ARHGAP21: variants seen among roughly 807,000 people sequenced by gnomAD.
ARHGAP21 encodes rho GTPase-activating protein 21.
In ARHGAP21, 38 loss-of-function variants were observed where a neutral mutation model predicts 164.6. The ratio of observed to expected loss-of-function variants is 0.23; its 90% CI spans 0.18 to 0.30. The LOEUF (loss-of-function observed/expected upper bound fraction) is 0.30. Among genes scored for constraint, ARHGAP21 ranks in the 10% least tolerant of loss-of-function variants. ARHGAP21 has a pLI of 1.00. For missense variants in ARHGAP21, 1,822 were observed against 2,370.7 expected (o/e 0.77, Z 4.81); for synonymous variants, 766 against 857.9 (o/e 0.89, Z 1.87).
Position 24,597,846 on chromosome 10 carries a change from A to G in ARHGAP21, c.3197+99T>C, listed in dbSNP as rs142998685. The G allele has an allele frequency of 7.1e-3, 9,367 of 1,315,968 alleles. 55 individuals carry two copies. The highest frequency in any genetic ancestry group is 8.7e-3 in the Middle Eastern group (44 of 5,070). 81.5% of individuals were successfully genotyped at this position (1,315,968 alleles called of 1,614,324 possible). On this transcript the variant is annotated intron_variant, in intron 15 of 25. Coordinates refer to ENST00000396432, the MANE Select transcript of ARHGAP21 (RefSeq NM_020824.4). ...GGATTTGGTACTATCTGCGGTTTCA[A>G]GCATCCACTGGGGGTCTTGGAATGT...
At chr10:24,704,888 T>C (rs1299867856) in intron 2 of ARHGAP21, among the ~76,000 whole-genome samples, 1 of 152,142 alleles carries the variant, frequency 6.6e-6, no homozygotes, top group Non-Finnish European at 1.5e-5. Flanking sequence ...CCATTATGCC[T>C]GGCCTAAAAA....
At chr10:24,609,837 A>G (rs1179136782) in intron 9 of ARHGAP21, among the ~76,000 whole-genome samples, 1 of 152,218 alleles carries the variant, frequency 6.6e-6, no homozygotes, top group African/African-American at 2.4e-5. Context: ...GGAAAACAAA[A>G]ATTTTTCATC....
intron 2 of ARHGAP21, among the ~76,000 whole-genome samples, chr10:24,686,645 C>A (rs1306911585): frequency 6.6e-6 from 1 of 152,064 alleles, no homozygotes; most frequent in East Asian, 1.9e-4. Context: ...TAATCACATA[C>A]ACACTTTTTG....
At chr10:24,648,908 C>G in intron 4 of ARHGAP21, 6 of 970,308 alleles carry the variant, frequency 6.2e-6, no homozygotes, top group Non-Finnish European at 7.4e-6. Context: ...CCCTGGAGAC[C>G]TCCTTTCCCA....
At chr10:24,596,261 C>T (rs892671890) in intron 17 of ARHGAP21, 3 of 458,356 alleles carry the variant, frequency 6.5e-6, no homozygotes, top group African/African-American at 6.1e-5. Flanking sequence ...GAGAGGGACC[C>T]CCAGAGAGAT....
In ARHGAP21 at chr10:24,620,004, T is replaced by C; in HGVS notation, c.1891A>G (p.Thr631Ala). 2 of 1,613,988 alleles carry C rather than the reference T, an allele frequency of 1.2e-6. No individual in the cohort carries two copies. The highest frequency in any genetic ancestry group is 1.7e-6 in the Non-Finnish European group (2 of 1,179,878). Reference protein sequence around the residue: ...VRSNSLKAPSTHVTKPSFSQK... With the variant: ...VRSNSLKAPSAHVTKPSFSQK... ...CTAAATGATGGTTTTGTGACATGCGTGGAAGGAGCTTTCAGAGAATTACTT... is the reference window on the plus strand; with the variant it reads ...CTAAATGATGGTTTTGTGACATGCGCGGAAGGAGCTTTCAGAGAATTACTT... Residue 631 changes from threonine (T) to alanine (A), a missense_variant, in exon 9 of 26, where the codon ACG becomes GCG. Physicochemically the swap from Thr to Ala is moderately conservative, Grantham distance 58 (BLOSUM62 0). This residue lies in a region of ARHGAP21 where 1,090 missense variants were observed against 1,378.9 expected (regional missense o/e 0.79). Transcript: ENST00000396432.
At chr10:24,692,033 C>T (rs1842798111) in intron 2 of ARHGAP21, among the ~76,000 whole-genome samples, 1 of 152,118 alleles carries the variant, frequency 6.6e-6, no homozygotes, top group African/African-American at 2.4e-5. Context: ...CCTGAAGAGA[C>T]AAAATGGAAT....
At chr10:24,642,440 G>A (rs1049547982) in intron 4 of ARHGAP21, among the ~76,000 whole-genome samples, 12 of 150,828 alleles carry the variant, frequency 8.0e-5, no homozygotes, top group African/African-American at 2.7e-4. Context: ...GCGTGAACCT[G>A]GGAGGCGGAG....
At chr10:24,616,509 G>T (rs1410421522) in intron 9 of ARHGAP21, among the ~76,000 whole-genome samples, 5 of 152,170 alleles carry the variant, frequency 3.3e-5, no homozygotes, top group Admixed American at 1.3e-4. Context: ...TCTTGATATG[G>T]CAGTGCCAAT....
At chr10:24,717,257 G>GA (rs1845477121) in intron 2 of ARHGAP21, among the ~76,000 whole-genome samples, 1 of 152,112 alleles carries the variant, frequency 6.6e-6, no homozygotes. Context: ...TAATGTCCGG[G>GA]AATCTAAATG....
chr10:24,670,449 CA>C (rs759731600), intron 2 of ARHGAP21, 52 bp from the exon 3 acceptor site: 41 of 1,250,856 alleles, frequency 3.3e-5, no homozygotes, highest in Non-Finnish European at 4.2e-5. Context: ...TATACTTCCT[CA>C]TCTAAAAAAA....
At chr10:24,703,622 G>C (rs933510980) in intron 2 of ARHGAP21, among the ~76,000 whole-genome samples, 1 of 152,134 alleles carries the variant, frequency 6.6e-6, no homozygotes, top group Non-Finnish European at 1.5e-5. Flanking sequence ...TTACCTTGCA[G>C]AATTCTCAGT....
intron 2 of ARHGAP21, among the ~76,000 whole-genome samples, chr10:24,673,004 T>C (rs1840862714): frequency 6.6e-6 from 1 of 152,182 alleles, no homozygotes; most frequent in Non-Finnish European, 1.5e-5. Flanking sequence ...GACAAAAGAT[T>C]TGTAAGATCT....
intron 24 of ARHGAP21, 40 bp downstream of exon 24, chr10:24,591,185 C>A: frequency 6.8e-7 from 1 of 1,468,198 alleles, no homozygotes; most frequent in Admixed American, 1.9e-5. Context: ...AAGAATGTAG[C>A]TTTCAGCCTA....
intron 4 of ARHGAP21, among the ~76,000 whole-genome samples, chr10:24,650,469 T>C (rs1593164060): frequency 6.6e-6 from 1 of 152,294 alleles, no homozygotes; most frequent in Admixed American, 6.5e-5. Context: ...AGCATCAGAC[T>C]TCGATGTGCT....
rs777478309 is a variant in ARHGAP21 at position 24,585,753 on chromosome 10, G to A, written c.4536C>T (p.Asn1512=). 5.0e-6 allele frequency: 8 copies of A among 1,613,056 alleles called. No individual in the cohort carries two copies. Among genetic ancestry groups the A allele is most frequent in the Non-Finnish European group, 5.1e-6 (6 of 1,179,152 alleles). The part of the protein sequence containing the change: ...EPSPPHNSKH[N]KSPTLSCRFA... ...AGCGACAGCTGAGAGTTGGTGACTTGTTGTGTTTTGAGTTGTGTGGTGGTG... is the reference window on the plus strand; with the variant it reads ...AGCGACAGCTGAGAGTTGGTGACTTATTGTGTTTTGAGTTGTGTGGTGGTG... Residue 1512 remains asparagine (N), a synonymous_variant, in exon 26 of 26, where the codon AAC becomes AAT. Transcript: ENST00000396432.
intron 21 of ARHGAP21, 116 bp downstream of exon 21, chr10:24,594,834 C>A: frequency 1.3e-6 from 1 of 746,394 alleles, no homozygotes; most frequent in Non-Finnish European, 2.0e-6. Flanking sequence ...GAAGGACTTA[C>A]CCAGTTTGAT....
At chr10:24,713,316 A>G (rs1245516910) in intron 2 of ARHGAP21, among the ~76,000 whole-genome samples, 1 of 152,248 alleles carries the variant, frequency 6.6e-6, no homozygotes, top group Admixed American at 6.5e-5. Context: ...GAGATAAGCA[A>G]CAGGGGAAAA....
At chr10:24,719,100 C>T (rs1470213765) in intron 2 of ARHGAP21, among the ~76,000 whole-genome samples, 2 of 76,844 alleles carry the variant, frequency 2.6e-5, no homozygotes, top group African/African-American at 8.7e-5. Context: ...TCACGGACTA[C>T]ACACACACAC....
Sources: allele counts gnomAD v4.1 joint callset (sites outside exome capture counted in the v4.1 genomes callset), GRCh38; gene constraint gnomAD v4.1.1; regional missense constraint gnomAD v4.1.1; transcripts MANE v1.5; gene names NCBI Gene and HGNC (gene_info 2026-07-23, HGNC 2026-07-21).